Variants in BNC2 observed in about 807,000 individuals in gnomAD.
The protein encoded by BNC2 is zinc finger protein basonuclin-2.
BNC2 carries 20 observed loss-of-function variants against 76.3 expected under a neutral mutation model. That is an observed-to-expected ratio of 0.26 (90% CI 0.18 to 0.38). The LOEUF (loss-of-function observed/expected upper bound fraction) is 0.38, where lower values mean the gene tolerates loss of function less well. Among genes scored for constraint, BNC2 ranks in the 10% least tolerant of loss-of-function variants. BNC2 has a pLI of 1.00. For missense variants in BNC2, 1,382 were observed against 1,399.8 expected (o/e 0.99, Z 0.20); for synonymous variants, 582 against 514.8 (o/e 1.13, Z -1.77).
intron 3 of BNC2, among the ~76,000 whole-genome samples, chr9:16,686,969 C>T (rs545698459): frequency 6.6e-6 from 1 of 152,230 alleles, no homozygotes; most frequent in South Asian, 2.1e-4. Flanking sequence ...GAGTTTCACA[C>T]GTGCAGGCCA....
chr9:16,813,323 T>C (rs1586904655), intron 1 of BNC2, among the ~76,000 whole-genome samples: 1 of 151,402 alleles, frequency 6.6e-6, no homozygotes, highest in Non-Finnish European at 1.5e-5. Flanking sequence ...TGGAGTGCAG[T>C]GGTGCGATCT....
chr9:16,571,489 G>C (rs1366271316), intron 4 of BNC2, among the ~76,000 whole-genome samples: 1 of 152,016 alleles, frequency 6.6e-6, no homozygotes, highest in Non-Finnish European at 1.5e-5. Context: ...GTAGCCGAAA[G>C]CAGAACCACA....
chr9:16,786,727 G>C (rs1826304468), intron 1 of BNC2, among the ~76,000 whole-genome samples: 1 of 152,132 alleles, frequency 6.6e-6, no homozygotes, highest in African/African-American at 2.4e-5. Context: ...GCAGAGTCCT[G>C]CTGGGAACCC....
intron 3 of BNC2, among the ~76,000 whole-genome samples, chr9:16,681,438 T>C (rs1186561017): frequency 6.6e-6 from 1 of 152,140 alleles, no homozygotes; most frequent in Non-Finnish European, 1.5e-5. Context: ...GAGAATCAAA[T>C]ATCCCATCGC....
chr9:16,681,836 G>C (rs965696253), intron 3 of BNC2, among the ~76,000 whole-genome samples: 1 of 152,164 alleles, frequency 6.6e-6, no homozygotes, highest in African/African-American at 2.4e-5. Context: ...AATCCTTGCG[G>C]TTTAGTCAAT....
intron 3 of BNC2, among the ~76,000 whole-genome samples, chr9:16,650,372 G>A (rs2133941883): frequency 6.6e-6 from 1 of 152,244 alleles, no homozygotes. Flanking sequence ...CATCACTGAT[G>A]TGTTCATGCC....
At chr9:16,732,263 A>C (rs1824533821) in intron 2 of BNC2, among the ~76,000 whole-genome samples, 2 of 152,178 alleles carry the variant, frequency 1.3e-5, no homozygotes, top group East Asian at 1.9e-4. Flanking sequence ...TTTGTTTTGC[A>C]TGTATGTTTG....
intron 5 of BNC2, among the ~76,000 whole-genome samples, chr9:16,497,762 C>G (rs753742905): frequency 8.6e-5 from 13 of 152,028 alleles, no homozygotes; most frequent in Non-Finnish European, 1.2e-4. Flanking sequence ...AAAACATCCA[C>G]CAACATAAAG....
intron 5 of BNC2, among the ~76,000 whole-genome samples, chr9:16,438,734 C>CA (rs112757270): frequency 0.068 from 10,373 of 152,074 alleles, 364 homozygotes; most frequent in Middle Eastern, 0.11. Flanking sequence ...TTATTAATTA[C>CA]AAAGGGAAAA....
At chr9:16,697,244 G>A (rs1423267986) in intron 3 of BNC2, among the ~76,000 whole-genome samples, 3 of 152,134 alleles carry the variant, frequency 2.0e-5, no homozygotes, top group African/African-American at 7.2e-5. Flanking sequence ...CGTAGTCCCA[G>A]CTACTCAGGA....
intron 3 of BNC2, among the ~76,000 whole-genome samples, chr9:16,630,739 T>C (rs1587253985): frequency 6.6e-6 from 1 of 151,496 alleles, no homozygotes; most frequent in South Asian, 2.1e-4. Context: ...TTTAAAAATG[T>C]GGAGCGTTTC....
chr9:16,610,513 T>C (rs139263466), intron 3 of BNC2, among the ~76,000 whole-genome samples: 156 of 152,330 alleles, frequency 1.0e-3, no homozygotes, highest in African/African-American at 3.4e-3. Flanking sequence ...TATAAGGGTC[T>C]ATGAATTGAA....
chr9:16,469,151 G>C (rs1821760852), intron 5 of BNC2, among the ~76,000 whole-genome samples: 1 of 152,050 alleles, frequency 6.6e-6, no homozygotes, highest in Admixed American at 6.5e-5. Flanking sequence ...TTTATAAGGA[G>C]TAAAACTTGC....
At chr9:16,837,430 G>C (rs965912253) in intron 1 of BNC2, among the ~76,000 whole-genome samples, 6 of 152,176 alleles carry the variant, frequency 3.9e-5, no homozygotes, top group Non-Finnish European at 7.3e-5. Flanking sequence ...CTTGAACCTT[G>C]CAGGCAGAGG....
At chr9:16,694,506 T>C (rs1823277260) in intron 3 of BNC2, among the ~76,000 whole-genome samples, 1 of 152,126 alleles carries the variant, frequency 6.6e-6, no homozygotes, top group South Asian at 2.1e-4. Context: ...TTAGACTTAC[T>C]ATGAAGACTG....
intron 1 of BNC2, chr9:16,868,051 G>A (rs958052698): frequency 1.3e-5 from 2 of 152,110 alleles, no homozygotes; most frequent in Non-Finnish European, 2.9e-5. Context: ...AGGGGACTGC[G>A]GCTGCAACAT....
chr9:16,641,579 A>C (rs1476853768), intron 3 of BNC2, among the ~76,000 whole-genome samples: 1 of 152,206 alleles, frequency 6.6e-6, no homozygotes, highest in Non-Finnish European at 1.5e-5. Flanking sequence ...CACCACTAAA[A>C]ATTTCTAGAT....
At chr9:16,565,582 G>C (rs761968513) in intron 4 of BNC2, among the ~76,000 whole-genome samples, 4 of 152,076 alleles carry the variant, frequency 2.6e-5, no homozygotes, top group Non-Finnish European at 5.9e-5. Context: ...GGCTGAGGTG[G>C]GTGGGTCACT....
chr9:16,793,287 A>G (rs779225190), intron 1 of BNC2, among the ~76,000 whole-genome samples: 4 of 152,194 alleles, frequency 2.6e-5, no homozygotes, highest in Non-Finnish European at 5.9e-5. Flanking sequence ...TCAGTTACCT[A>G]AGCAAAGAAA....
Sources: gnomAD v4.1 joint callset for allele counts (sites outside exome capture counted in the v4.1 genomes callset) on GRCh38, gnomAD v4.1.1 for gene constraint, MANE v1.5 for transcripts, NCBI Gene and HGNC (gene_info 2026-07-23, HGNC 2026-07-21) for gene names.